DTWD2: variants seen among roughly 807,000 people sequenced by gnomAD.
The protein encoded by DTWD2 is tRNA-uridine aminocarboxypropyltransferase 2.
Under a neutral mutation model 31.8 loss-of-function variants are expected in DTWD2, and 39 were observed. The observed-to-expected ratio is 1.22, with a 90% CI of 0.95 to 1.60. The LOEUF (loss-of-function observed/expected upper bound fraction) is 1.60. Among genes scored for constraint, DTWD2 ranks in the 40% most tolerant of loss-of-function variants. DTWD2 has a pLI of 0.00. For missense variants in DTWD2, 515 were observed against 381.5 expected (o/e 1.35, Z -2.92); for synonymous variants, 180 against 142.8 (o/e 1.26, Z -1.86).
chr5:118,884,772 C>T (rs939639229), intron 4 of DTWD2, among the ~76,000 whole-genome samples: 6 of 151,434 alleles, frequency 4.0e-5, no homozygotes, highest in East Asian at 3.9e-4. Context: ...TTTGGGAGGC[C>T]GAGGCAGGAA....
At chr5:118,904,737 A>G (rs1013415598) in intron 4 of DTWD2, among the ~76,000 whole-genome samples, 15 of 152,134 alleles carry the variant, frequency 9.9e-5, no homozygotes, top group Non-Finnish European at 1.5e-4. Flanking sequence ...AACTGATAAC[A>G]TGTGGAGAAA....
At chr5:118,862,151 C>A (rs1339808344) in intron 4 of DTWD2, among the ~76,000 whole-genome samples, 1 of 152,196 alleles carries the variant, frequency 6.6e-6, no homozygotes, top group East Asian at 1.9e-4. Context: ...CTAGGTTGCA[C>A]ATTCCTTATG....
At chr5:118,896,358 G>T (rs192881017) in intron 4 of DTWD2, among the ~76,000 whole-genome samples, 110 of 152,086 alleles carry the variant, frequency 7.2e-4, no homozygotes, top group African/African-American at 2.6e-3. Context: ...GTACATCTGA[G>T]CCTGTAATAC....
intron 1 of DTWD2, among the ~76,000 whole-genome samples, chr5:118,954,181 A>G (rs1754530511): frequency 6.6e-6 from 1 of 152,154 alleles, no homozygotes; most frequent in African/African-American, 2.4e-5. Context: ...TGAAACAGGA[A>G]GACTGCTCAT....
intron 4 of DTWD2, among the ~76,000 whole-genome samples, chr5:118,922,335 G>T (rs1753721931): frequency 6.6e-6 from 1 of 152,126 alleles, no homozygotes; most frequent in Admixed American, 6.5e-5. Flanking sequence ...CAACACTCTG[G>T]ACTTGAATTC....
At chr5:118,863,760 C>A (rs1752319986) in intron 4 of DTWD2, among the ~76,000 whole-genome samples, 1 of 152,058 alleles carries the variant, frequency 6.6e-6, no homozygotes, top group African/African-American at 2.4e-5. Context: ...TTACAAAGTA[C>A]CTAATAGGCC....
At chr5:118,982,235 C>T (rs938805825) in intron 1 of DTWD2, among the ~76,000 whole-genome samples, 2 of 152,142 alleles carry the variant, frequency 1.3e-5, no homozygotes, top group East Asian at 1.9e-4. Context: ...GGAAAATGAA[C>T]TCAAGGAATT....
chr5:118,956,697 T>C (rs1210840205), intron 1 of DTWD2, among the ~76,000 whole-genome samples: 1 of 152,218 alleles, frequency 6.6e-6, no homozygotes, highest in Non-Finnish European at 1.5e-5. Context: ...TTACAAGTAC[T>C]CTTTTTAAAG....
At chr5:118,987,886 T>G (rs947285237) in intron 1 of DTWD2, among the ~76,000 whole-genome samples, 1 of 152,190 alleles carries the variant, frequency 6.6e-6, no homozygotes, top group Non-Finnish European at 1.5e-5. Context: ...TCTGGTAGGA[T>G]AGGTAAAGGA....
intron 1 of DTWD2, among the ~76,000 whole-genome samples, chr5:118,964,778 C>T (rs1257887519): frequency 1.3e-5 from 2 of 152,204 alleles, no homozygotes; most frequent in African/African-American, 4.8e-5. Flanking sequence ...GTGGCGTGAT[C>T]TCGGCTCGCT....
rs1231335808 is a variant in DTWD2 at position 118,973,624 on chromosome 5, AGCCTCCTTGCTCGCGGC to A, written c.218+14653_218+14669del. 2.6e-4 allele frequency among the ~76,000 whole-genome samples: 6 copies of A among 23,272 alleles called. No homozygotes were observed. The East Asian group carries it at 0.21, about 808-fold the overall frequency. The allele number at this position is 23,272 out of a possible 152,430, so 15.3% of individuals were successfully genotyped here. On this transcript the variant is annotated intron_variant, in intron 1 of 5. Transcript: ENST00000510708. ...CCTCGTCCGCCTCCTTGCTCGCGGC[AGCCTCCTTGCTCGCGGC>A]AGCCTCCTTGCTCGCGGCAGCCTCC...
At chr5:118,887,052 G>A (rs1752882656) in intron 4 of DTWD2, among the ~76,000 whole-genome samples, 1 of 152,170 alleles carries the variant, frequency 6.6e-6, no homozygotes, top group South Asian at 2.1e-4. Context: ...TTAGAGGAAA[G>A]CAATTTGAAA....
intron 4 of DTWD2, among the ~76,000 whole-genome samples, chr5:118,872,380 C>G (rs1356276023): frequency 1.3e-5 from 2 of 152,208 alleles, no homozygotes; most frequent in Non-Finnish European, 2.9e-5. Context: ...TTTTGTCATG[C>G]CTTCCTCAAT....
At chr5:118,856,768 T>TTTTC in intron 4 of DTWD2, among the ~76,000 whole-genome samples, 1 of 136,726 alleles carries the variant, frequency 7.3e-6, no homozygotes, top group Non-Finnish European at 1.6e-5. Flanking sequence ...GGCTTACTTT[T>TTTTC]TTTTTTTTTT....
chr5:118,954,997 G>C lies in DTWD2; in HGVS notation c.219-10348C>G, dbSNP rs370166022. ...ATTACAAATGAAATTCAGAGTGTCA[G>C]GTCTTCCTTTATTATATTTTGTGAT... On this transcript the variant is annotated intron_variant, in intron 1 of 5. Transcript: ENST00000510708. 3.4e-4 allele frequency among the ~76,000 whole-genome samples: 51 copies of C among 151,942 alleles called. 1 individual carries two copies. The South Asian group carries it at 0.011, about 32-fold the overall frequency.
At chr5:118,919,140 A>G (rs1753645667) in intron 4 of DTWD2, among the ~76,000 whole-genome samples, 1 of 152,256 alleles carries the variant, frequency 6.6e-6, no homozygotes, top group African/African-American at 2.4e-5. Context: ...TTAATTGCTC[A>G]CAGAGCATCT....
intron 5 of DTWD2, among the ~76,000 whole-genome samples, chr5:118,845,669 C>G (rs1232509629): frequency 6.6e-6 from 1 of 152,124 alleles, no homozygotes. Context: ...AATGAGGGCT[C>G]TAAGACCTCA....
At chr5:118,941,828 T>C (rs1162527257) in intron 2 of DTWD2, among the ~76,000 whole-genome samples, 2 of 152,208 alleles carry the variant, frequency 1.3e-5, no homozygotes, top group Admixed American at 1.3e-4. Context: ...CTCCACATCC[T>C]CTCCAGCACC....
At chr5:118,903,941 T>C (rs974332186) in intron 4 of DTWD2, among the ~76,000 whole-genome samples, 2 of 152,076 alleles carry the variant, frequency 1.3e-5, no homozygotes, top group African/African-American at 2.4e-5. Context: ...TATGAAATTA[T>C]GTCAAAAGGA....
Sources: gnomAD v4.1 joint callset for allele counts (sites outside exome capture counted in the v4.1 genomes callset) on GRCh38, gnomAD v4.1.1 for gene constraint, MANE v1.5 for transcripts, NCBI Gene and HGNC (gene_info 2026-07-23, HGNC 2026-07-21) for gene names.